Variants in MTIF2 observed in about 807,000 individuals in gnomAD.
MTIF2 encodes mitochondrial translational initiation factor 2, also known as translation initiation factor IF-2, mitochondrial.
A neutral mutation model predicts 83.5 loss-of-function variants in MTIF2; 71 were observed. That is an observed-to-expected ratio of 0.85 (90% CI 0.70 to 1.04). The LOEUF is 1.04. MTIF2 is among the 50% of genes least tolerant of loss of function. MTIF2 has a pLI of 0.00. For missense variants in MTIF2, 957 were observed against 846.5 expected (o/e 1.13, Z -1.62); for synonymous variants, 319 against 287.1 (o/e 1.11, Z -1.12).
rs1354543455 is a variant in MTIF2 at position 55,246,348 on chromosome 2, G to A, written c.1095C>T (p.Asp365=). 1.2e-6 allele frequency: 2 copies of A among 1,613,402 alleles called. No individual in the cohort carries two copies. Among genetic ancestry groups the A allele is most frequent in the Admixed American group, 3.3e-5 (2 of 59,950 alleles). ...TTTAAGAGTCCTACCCTCTTCCTTTGTCTGTGAAAGACTCTATTACTGTTC... is the reference window on the plus strand; with the variant it reads ...TTTAAGAGTCCTACCCTCTTCCTTTATCTGTGAAAGACTCTATTACTGTTC... The part of the protein sequence containing the change: ...VEGTVIESFT[D]KGRGLVTTAI... Residue 365 remains aspartate (D), a synonymous_variant, in exon 10 of 16, where the codon GAC becomes GAT. Coordinates refer to ENST00000263629, the MANE Select transcript of MTIF2 (RefSeq NM_002453.3).
Position 55,244,119 on chromosome 2 carries a change from A to T in MTIF2, c.1221T>A (p.Ile407=), listed in dbSNP as rs1244935540. 6.2e-7 allele frequency: 1 copy of T among 1,614,114 alleles called. No individual in the cohort carries two copies. The highest frequency in any genetic ancestry group is 1.3e-5 in the African/African-American group (1 of 75,048). ...RLMFDENGKT[I]DEAYPSMPVG... Reference sequence around the variant, plus strand: ...CTGGCATGCTGGGATAGGCCTCATCAATTGTTTTTCCATTTTCATCAAACA... The same window carrying T: ...CTGGCATGCTGGGATAGGCCTCATCTATTGTTTTTCCATTTTCATCAAACA... Residue 407 remains isoleucine (I), a synonymous_variant, in exon 11 of 16, where the codon ATT becomes ATA. Transcript: ENST00000263629.
intron 10 of MTIF2, 48 bp from the exon 11 acceptor site, chr2:55,244,281 G>A (rs1282199782): frequency 1.5e-6 from 2 of 1,321,818 alleles, no homozygotes; most frequent in Non-Finnish European, 2.1e-6. Context: ...TGTACTTTAA[G>A]TAGAGCAAAG....
rs1415596715 is a variant in MTIF2, at chr2:55,254,085, G to T, written c.620C>A (p.Ala207Glu). 6.2e-7 allele frequency: 1 copy of T among 1,614,064 alleles called. No homozygotes were observed. Among genetic ancestry groups the T allele is most frequent in the Non-Finnish European group, 8.5e-7 (1 of 1,180,020 alleles). The change falls in exon 7 of 16, where the codon GCA becomes GAA. Residue 207 changes from alanine (A) to glutamate (E), a missense_variant. Transcript: ENST00000263629. ...CTGAGTGATGCCTCCAGTTTCCACTGCTGCCACTTGAGTTTTTCGAAATTT... is the reference window on the plus strand; with the variant it reads ...CTGAGTGATGCCTCCAGTTTCCACTTCTGCCACTTGAGTTTTTCGAAATTT... ...LDKFRKTQVA[A>E]VETGGITQHI...
chr2:55,267,131 T>C (rs1678495543), intron 3 of MTIF2, among the ~76,000 whole-genome samples: 1 of 151,646 alleles, frequency 6.6e-6, no homozygotes, highest in South Asian at 2.1e-4. Flanking sequence ...ATAGTAAATG[T>C]ATGGTTCTGA....
chr2:55,263,988 A>G, intron 3 of MTIF2, 123 bp from the exon 4 acceptor site: 1 of 723,908 alleles, frequency 1.4e-6, no homozygotes, highest in Non-Finnish European at 2.3e-6. Flanking sequence ...CAATGAGTAA[A>G]ACTGGGTTCC....
rs778608709 is a variant in MTIF2 at position 55,243,548 on chromosome 2, G to A, written c.1432C>T (p.Arg478Cys). ...CACAGTAGATGGCCATACTTCTCAC[G>A]GGCTTTCTGATGTGCTTCTTTGTGT... The part of the protein sequence containing the change: ...KEHKEAHQKA[R>C]EKYGHLLWKK... Residue 478 changes from arginine to cysteine, a missense_variant, in exon 12 of 16, where the codon CGT becomes TGT. Coordinates refer to ENST00000263629, the MANE Select transcript of MTIF2 (RefSeq NM_002453.3). 1.3e-5 allele frequency: 21 copies of A among 1,613,862 alleles called. No homozygotes were observed. The Admixed American group carries it at 1.5e-4, about 12-fold the overall frequency.
Position 55,236,617 on chromosome 2 carries a change from A to AC in MTIF2, c.*30dup, listed in dbSNP as rs764482344. 7.7e-6 allele frequency: 12 copies of AC among 1,548,938 alleles called. No homozygotes were observed. Among genetic ancestry groups the AC allele is most frequent in the Non-Finnish European group, 1.0e-5 (12 of 1,150,700 alleles). ...GCATTTCTACCTTCAAACAAACAAC[A>AC]CGTTGAGTTATTTACATTTTTAATG... On this transcript the variant is annotated 3_prime_UTR_variant, in exon 16 of 16. Coordinates refer to ENST00000263629, the MANE Select transcript of MTIF2 (RefSeq NM_002453.3).
intron 5 of MTIF2, among the ~76,000 whole-genome samples, chr2:55,260,206 C>T (rs549859401): frequency 6.6e-6 from 1 of 152,110 alleles, no homozygotes; most frequent in South Asian, 2.1e-4. Context: ...TCGAGACCAG[C>T]CTGACCAACA....
chr2:55,248,912 A>G (rs780861119), intron 9 of MTIF2, among the ~76,000 whole-genome samples: 1 of 152,154 alleles, frequency 6.6e-6, no homozygotes, highest in Non-Finnish European at 1.5e-5. Flanking sequence ...AAGGTGGGAC[A>G]ATGGCTTGAG....
intron 8 of MTIF2, among the ~76,000 whole-genome samples, chr2:55,249,868 G>C (rs75742897): frequency 6.6e-6 from 1 of 152,124 alleles, no homozygotes; most frequent in Admixed American, 6.6e-5. Context: ...GAGGCGGGTG[G>C]ATCACCTGAG....
At chr2:55,261,048 G>A (rs1677932229) in intron 5 of MTIF2, among the ~76,000 whole-genome samples, 1 of 151,214 alleles carries the variant, frequency 6.6e-6, no homozygotes, top group South Asian at 2.1e-4. Flanking sequence ...GTGCAGTGGC[G>A]CGATCTCGGC....
At chr2:55,243,789 T>C (rs1676497649) in intron 11 of MTIF2, 121 bp from the exon 12 acceptor site, 2 of 1,143,802 alleles carry the variant, frequency 1.7e-6, no homozygotes, top group Non-Finnish European at 2.4e-6. Context: ...ACTACTTTTA[T>C]AAGTTTCAAG....
chr2:55,248,151 A>C (rs1410441426), intron 9 of MTIF2, among the ~76,000 whole-genome samples: 2 of 152,204 alleles, frequency 1.3e-5, no homozygotes, highest in Admixed American at 6.6e-5. Flanking sequence ...GGCCTCCCAA[A>C]GTGCTAGGCT....
Position 55,236,620 on chromosome 2 carries a change from T to C in MTIF2, c.*28A>G, listed in dbSNP as rs1675829257. 2 of 1,554,216 alleles carry C rather than the reference T, an allele frequency of 1.3e-6. No homozygotes were observed. The highest frequency in any genetic ancestry group is 1.7e-6 in the Non-Finnish European group (2 of 1,153,666). On this transcript the variant is annotated 3_prime_UTR_variant, in exon 16 of 16. Coordinates refer to ENST00000263629, the MANE Select transcript of MTIF2 (RefSeq NM_002453.3). ...TTTCTACCTTCAAACAAACAACACG[T>C]TGAGTTATTTACATTTTTAATGTAA... is the stretch of plus-strand genomic sequence containing the variant.
At chr2:55,247,983 C>G (rs1328801112) in intron 9 of MTIF2, among the ~76,000 whole-genome samples, 1 of 152,128 alleles carries the variant, frequency 6.6e-6, no homozygotes, top group Non-Finnish European at 1.5e-5. Context: ...CTCTGCCTCC[C>G]TGGCTCAAGT....
chr2:55,249,026 C>T (rs1477057919), intron 9 of MTIF2, among the ~76,000 whole-genome samples: 1 of 152,162 alleles, frequency 6.6e-6, no homozygotes, highest in Non-Finnish European at 1.5e-5. Flanking sequence ...GTAGCCCCAA[C>T]TACTCAAGAG....
chr2:55,259,670 C>T (rs1022898550), intron 5 of MTIF2, among the ~76,000 whole-genome samples: 3 of 152,180 alleles, frequency 2.0e-5, no homozygotes, highest in Non-Finnish European at 4.4e-5. Flanking sequence ...TTTTGCCAGG[C>T]GCAGTGGCTC....
chr2:55,250,818 C>T (rs896989820), intron 8 of MTIF2, among the ~76,000 whole-genome samples: 5 of 151,962 alleles, frequency 3.3e-5, no homozygotes, highest in South Asian at 2.1e-4. Context: ...CGTACTATTA[C>T]GAAAAAGTAC....
Position 55,244,230 on chromosome 2 carries a change from A to T in MTIF2, c.1110T>A (p.Leu370=), listed in dbSNP as rs1254943962. The T allele has an allele frequency of 6.2e-7, 1 of 1,607,240 alleles. No homozygotes were observed. The highest frequency in any genetic ancestry group is 8.5e-7 in the Non-Finnish European group (1 of 1,174,346). ...CTCTTTGAATTATAGCTGTAGTAAC[A>T]AGACTAAAATGAAAATAAAAGTATA... is the stretch of plus-strand genomic sequence containing the variant. ...IESFTDKGRG[L]VTTAIIQRGT... Residue 370 remains leucine (L), a synonymous_variant, in exon 11 of 16, where the codon CTT becomes CTA. Transcript: ENST00000263629.
Sources: allele counts gnomAD v4.1 joint callset (sites outside exome capture counted in the v4.1 genomes callset), GRCh38; gene constraint gnomAD v4.1.1; transcripts MANE v1.5; gene names NCBI Gene and HGNC (gene_info 2026-07-23, HGNC 2026-07-21).